SPTBN4: variants seen among roughly 807,000 people sequenced by gnomAD.
SPTBN4 encodes the protein spectrin beta chain, non-erythrocytic 4.
SPTBN4 carries 96 observed loss-of-function variants against 277.8 expected under a neutral mutation model. The observed-to-expected ratio is 0.35, with a 90% CI of 0.29 to 0.41. The LOEUF is 0.41. Ranked by LOEUF, SPTBN4 falls within the 10% of genes least tolerant of loss-of-function variation. The probability of loss-of-function intolerance (pLI) is 1.00; values close to 1 mark genes in which losing one functional copy is unlikely to be tolerated. For synonymous variants in SPTBN4, 1,481 were observed against 1,580.3 expected (o/e 0.94, Z 1.49); for missense variants, 3,006 against 3,595.7 (o/e 0.84, Z 4.19).
intron 17 of SPTBN4, among the ~76,000 whole-genome samples, chr19:40,525,262 C>A (rs2050158469): frequency 6.6e-6 from 1 of 151,650 alleles, no homozygotes; most frequent in Admixed American, 6.6e-5. Context: ...CTTGAGGATG[C>A]AAACTCATCA....
At chr19:40,520,264 T>C (rs2080512257) in intron 16 of SPTBN4, 113 bp downstream of exon 16, 3 of 1,204,344 alleles carry the variant, frequency 2.5e-6, no homozygotes, top group Non-Finnish European at 3.2e-6. Flanking sequence ...ACCACTGGGT[T>C]CTGAGGTGGG....
At chr19:40,558,050 G>T (rs1015968212) in intron 26 of SPTBN4, among the ~76,000 whole-genome samples, 14 of 152,018 alleles carry the variant, frequency 9.2e-5, no homozygotes. Context: ...TTTGGCTGTG[G>T]TGTAGATAGA....
chr19:40,522,456 G>A (rs566526061), intron 16 of SPTBN4, among the ~76,000 whole-genome samples: 5 of 150,652 alleles, frequency 3.3e-5, no homozygotes, highest in Non-Finnish European at 7.4e-5. Context: ...GGGTTCAAGC[G>A]ATTCTCCTGC....
In SPTBN4 at chr19:40,513,088, C is replaced by A; in HGVS notation, c.2299C>A (p.Arg767=). ...RLEEAAARRE[R]RLQEARALHQ... ...GGAAGAGGCGGCGGCGCGGCGAGAGCGGCGGCTGCAGGAGGCGCGGGCGCT... is the reference window on the plus strand; with the variant it reads ...GGAAGAGGCGGCGGCGCGGCGAGAGAGGCGGCTGCAGGAGGCGCGGGCGCT... Residue 767 remains arginine (R), a synonymous_variant, in exon 14 of 36, where the codon CGG becomes AGG. Transcript: ENST00000598249. The A allele has an allele frequency of 7.1e-7, 1 of 1,417,230 alleles. No homozygotes were observed. Among genetic ancestry groups the A allele is most frequent in the Non-Finnish European group, 9.1e-7 (1 of 1,093,018 alleles). The allele number at this position is 1,417,230 out of a possible 1,614,324, so 87.8% of individuals were successfully genotyped here. A position where few individuals can be genotyped will look rare whatever the true frequency, so the allele number is the denominator to read the frequency against.
chr19:40,484,918 T>A (rs1471487478), intron 2 of SPTBN4, among the ~76,000 whole-genome samples: 2 of 149,824 alleles, frequency 1.3e-5, no homozygotes, highest in Non-Finnish European at 3.0e-5. Context: ...GGCGATAGAG[T>A]GAGACTCCGT....
intron 19 of SPTBN4, 113 bp downstream of exon 19, chr19:40,532,884 C>G (rs2080694472): frequency 7.6e-7 from 1 of 1,315,794 alleles, no homozygotes; most frequent in Non-Finnish European, 1.0e-6. Context: ...CACCTCTGGA[C>G]TGACTCAAAT....
intron 2 of SPTBN4, among the ~76,000 whole-genome samples, chr19:40,474,296 G>A (rs2079922337): frequency 6.6e-6 from 1 of 151,034 alleles, no homozygotes; most frequent in African/African-American, 2.4e-5. Flanking sequence ...TTTGGGACTT[G>A]ATAATACTAA....
chr19:40,525,573 A>C (rs1315043957), intron 17 of SPTBN4, among the ~76,000 whole-genome samples: 1 of 152,176 alleles, frequency 6.6e-6, no homozygotes, highest in Non-Finnish European at 1.5e-5. Flanking sequence ...TCCATGATTC[A>C]TTCATTCATT....
intron 35 of SPTBN4, among the ~76,000 whole-genome samples, chr19:40,573,484 G>A (rs1376218293): frequency 6.6e-6 from 1 of 152,186 alleles, no homozygotes; most frequent in East Asian, 1.9e-4. Flanking sequence ...GGAGGAGATT[G>A]GATTTTTTAC....
rs752327941 is a variant in SPTBN4, at chr19:40,560,345, G to A, written c.5857G>A (p.Asp1953Asn). Residue 1953 changes from aspartate to asparagine, a missense_variant, in exon 27 of 36, where the codon GAC becomes AAC. Physicochemically the swap from Asp to Asn is conservative, Grantham distance 23. Around this residue, in one of 5 missense-constraint regions of SPTBN4, gnomAD observed 425 missense variants for 594.7 expected, o/e 0.71. Transcript: ENST00000598249. This position sits in a 1 kb window ranked among gnomAD's most constrained non-coding sequence, Gnocchi z 5.2. ...DALRFHSQVR[D>N]LLSWMDGIAS... ...CCTGCGCTTCCACAGCCAAGTCCGC[G>A]ACCTGCTCTCCTGGATGGATGGCAT... The A allele has an allele frequency of 9.9e-6, 16 of 1,613,968 alleles. No homozygotes were observed. Among genetic ancestry groups the A allele is most frequent in the African/African-American group, 4.0e-5 (3 of 74,934 alleles).
intron 3 of SPTBN4, among the ~76,000 whole-genome samples, chr19:40,489,831 C>G (rs1012785152): frequency 1.3e-5 from 2 of 152,102 alleles, no homozygotes; most frequent in Non-Finnish European, 2.9e-5. Context: ...AGGGGCAGAG[C>G]CAGGGACGTG....
At position 40,560,518 on chromosome 19, in the gene SPTBN4, G is replaced by T; in HGVS notation, c.5915+115G>T. 3.8e-6 allele frequency: 6 copies of T among 1,579,308 alleles called. No homozygotes were observed. Among genetic ancestry groups the T allele is most frequent in the South Asian group, 1.2e-5 (1 of 85,944 alleles). On this transcript the variant is annotated intron_variant, in intron 27 of 35. Coordinates refer to ENST00000598249, the MANE Select transcript of SPTBN4 (RefSeq NM_020971.3). This position sits in a 1 kb window ranked among gnomAD's most constrained non-coding sequence, Gnocchi z 5.2. The stretch of plus-strand genomic sequence containing the variant: ...AATGACAACAGCCAATATCTGTGTG[G>T]CGCCTCTGTGTGCTAGGCACTGTTC...
chr19:40,549,551 C>T (rs2080895021), intron 21 of SPTBN4, 138 bp downstream of exon 21: 1 of 623,404 alleles, frequency 1.6e-6, no homozygotes, highest in Admixed American at 3.6e-5. Flanking sequence ...GCCGTTCACT[C>T]ATTCATTCAT....
At chr19:40,501,080 A>G (rs1420674174) in intron 7 of SPTBN4, among the ~76,000 whole-genome samples, 2 of 151,914 alleles carry the variant, frequency 1.3e-5, no homozygotes, top group African/African-American at 4.8e-5. Flanking sequence ...TGTCTAAGGA[A>G]ATTTGAGTTG....
At chr19:40,511,962 A>G (rs2080395544) in intron 13 of SPTBN4, among the ~76,000 whole-genome samples, 1 of 152,138 alleles carries the variant, frequency 6.6e-6, no homozygotes, top group Non-Finnish European at 1.5e-5. Context: ...CGTCTCTACT[A>G]AAAATACAAA....
In SPTBN4 at chr19:40,513,419, T is replaced by A. The variant is rs1394921738; in HGVS notation, c.2630T>A (p.Leu877Gln). Residue 877 changes from leucine (L) to glutamine (Q), a missense_variant, in exon 14 of 36, where the codon CTG becomes CAG. Physicochemically the swap from Leu to Gln is moderately radical, Grantham distance 113. Transcript: ENST00000598249. The part of the protein sequence containing the change: ...TEVAALRRQW[L>Q]RDALAVYRMF... Reference sequence around the variant, plus strand: ...GTGGCGGCGCTGAGGCGCCAGTGGCTGCGGGACGCGCTCGCTGTCTACCGC... The same window carrying A: ...GTGGCGGCGCTGAGGCGCCAGTGGCAGCGGGACGCGCTCGCTGTCTACCGC... The A allele has an allele frequency of 6.2e-7, 1 of 1,604,332 alleles. No individual in the cohort carries two copies. Among genetic ancestry groups the A allele is most frequent in the African/African-American group, 1.3e-5 (1 of 75,016 alleles).
Position 40,513,031 on chromosome 19 carries a change from G to A in SPTBN4, c.2242G>A (p.Ala748Thr), listed in dbSNP as rs939893996. ...GCACCTGGTAGGCCTGGCGGAGCGC[G>A]CGGCGAGCGCCCGGCGCCGCTGGCA... ...TVHLVGLAER[A>T]ASARRRWQRL... The change falls in exon 14 of 36, where the codon GCG becomes ACG. Residue 748 changes from alanine (A) to threonine (T), a missense_variant. Transcript: ENST00000598249. 3.1e-5 allele frequency: 44 copies of A among 1,422,176 alleles called. No individual in the cohort carries two copies. The highest frequency in any genetic ancestry group is 3.9e-5 in the Non-Finnish European group (43 of 1,095,124). The allele number at this position is 1,422,176 out of a possible 1,614,324, so 88.1% of individuals were successfully genotyped here. A position where few individuals can be genotyped will look rare whatever the true frequency, so the allele number is the denominator to read the frequency against.
chr19:40,549,079 G>A, intron 20 of SPTBN4, 110 bp from the exon 21 acceptor site: 2 of 866,774 alleles, frequency 2.3e-6, no homozygotes, highest in East Asian at 2.8e-5. Flanking sequence ...GGAGAGGGTG[G>A]AAGGGTGGGC....
rs527249879 is a variant in SPTBN4 at position 40,489,533 on chromosome 19, C to A, written c.322-542C>A. Among the ~76,000 whole-genome samples the A allele has an allele frequency of 1.0e-3, 155 of 152,190 alleles. 2 individuals carry two copies. Among genetic ancestry groups the A allele is most frequent in the South Asian group, 4.1e-3 (20 of 4,826 alleles). ...TCCCGAGTACCTAGGATTGCGGGAG[C>A]GCGCTACCAAGCCCGGCTAATTTTT... is the stretch of plus-strand genomic sequence containing the variant. On this transcript the variant is annotated intron_variant, in intron 3 of 35. Transcript: ENST00000598249.
Sources: allele counts gnomAD v4.1 joint callset (sites outside exome capture counted in the v4.1 genomes callset), GRCh38; gene constraint gnomAD v4.1.1; regional missense constraint gnomAD v4.1.1; non-coding constraint Gnocchi (gnomAD v3.1); transcripts MANE v1.5; gene names NCBI Gene and HGNC (gene_info 2026-07-23, HGNC 2026-07-21).